MTUS2: variants seen among roughly 807,000 people sequenced by gnomAD.
MTUS2 encodes the protein microtubule-associated tumor suppressor candidate 2.
Under a neutral mutation model 114.1 loss-of-function variants are expected in MTUS2, and 40 were observed. The observed-to-expected ratio is 0.35, with a 90% CI of 0.27 to 0.46. The LOEUF is 0.46. Among genes scored for constraint, MTUS2 ranks in the 20% least tolerant of loss-of-function variants. MTUS2 has a pLI of 1.00. For missense variants in MTUS2, 1,679 were observed against 1,705.4 expected (o/e 0.98, Z 0.27); for synonymous variants, 688 against 672.0 (o/e 1.02, Z -0.37).
At chr13:29,134,221 TGTC>T (rs1891880158) in intron 5 of MTUS2, among the ~76,000 whole-genome samples, 1 of 152,226 alleles carries the variant, frequency 6.6e-6, no homozygotes, top group Non-Finnish European at 1.5e-5. Context: ...TGATTTCTAA[TGTC>T]GTCTGGTTGT....
chr13:29,155,134 G>T (rs1294463601), intron 5 of MTUS2, among the ~76,000 whole-genome samples: 1 of 152,148 alleles, frequency 6.6e-6, no homozygotes, highest in Non-Finnish European at 1.5e-5. Context: ...GTTGATAAAG[G>T]TAAAATATAG....
chr13:29,130,798 G>A (rs948068769), intron 5 of MTUS2, among the ~76,000 whole-genome samples: 2 of 151,912 alleles, frequency 1.3e-5, no homozygotes, highest in African/African-American at 4.8e-5. Flanking sequence ...GCTAATTTTT[G>A]TATTTTTAGT....
chr13:29,072,605 A>G (rs570285077), intron 4 of MTUS2, among the ~76,000 whole-genome samples: 3 of 152,188 alleles, frequency 2.0e-5, no homozygotes, highest in Non-Finnish European at 4.4e-5. Context: ...TTTTACTTCC[A>G]TTTTGAAATG....
chr13:29,331,963 G>A (rs1900799302), intron 7 of MTUS2, among the ~76,000 whole-genome samples: 1 of 152,170 alleles, frequency 6.6e-6, no homozygotes. Flanking sequence ...CAGTTTGCCA[G>A]TATTTTATTG....
chr13:29,108,992 C>T (rs897109562), intron 5 of MTUS2, among the ~76,000 whole-genome samples: 1 of 152,172 alleles, frequency 6.6e-6, no homozygotes, highest in Non-Finnish European at 1.5e-5. Flanking sequence ...GATGATGGAA[C>T]CATGAAGATT....
At chr13:29,307,622 T>C in intron 6 of MTUS2, 1 of 1,169,668 alleles carries the variant, frequency 8.5e-7, no homozygotes, top group South Asian at 1.2e-5. Context: ...TACCAGCTTG[T>C]CTCCTCTGAC....
chr13:28,878,291 G>T (rs977654804), intron 2 of MTUS2, among the ~76,000 whole-genome samples: 1 of 151,460 alleles, frequency 6.6e-6, no homozygotes, highest in Non-Finnish European at 1.5e-5. Flanking sequence ...GTGTATGTGT[G>T]TACACACACA....
At chr13:29,138,478 T>C (rs181934274) in intron 5 of MTUS2, among the ~76,000 whole-genome samples, 7 of 148,174 alleles carry the variant, frequency 4.7e-5, no homozygotes, top group Admixed American at 4.7e-4. Context: ...ATATAAATTA[T>C]ATTTATATAT....
rs188817947 is a variant in MTUS2, at chr13:29,423,268, G to T, written c.3118-16715G>T. On this transcript the variant is annotated intron_variant, in intron 8 of 15. Coordinates refer to ENST00000612955, the MANE Select transcript of MTUS2 (RefSeq NM_001033602.4). The stretch of plus-strand genomic sequence containing the variant: ...CAAAGGACATTTTGTCTATGGGAAG[G>T]CTCACTTCCTTCAAAAGAAATCTCG... 2.6e-5 allele frequency among the ~76,000 whole-genome samples: 4 copies of T among 152,296 alleles called. No individual in the cohort carries two copies. The East Asian group carries it at 5.8e-4, about 22-fold the overall frequency.
At chr13:29,449,341 A>G (rs990626676) in intron 9 of MTUS2, among the ~76,000 whole-genome samples, 1 of 152,228 alleles carries the variant, frequency 6.6e-6, no homozygotes, top group African/African-American at 2.4e-5. Flanking sequence ...TAGCCCACAC[A>G]TACACACACA....
At chr13:29,223,893 A>G (rs1896004352) in intron 5 of MTUS2, among the ~76,000 whole-genome samples, 1 of 152,206 alleles carries the variant, frequency 6.6e-6, no homozygotes, top group Non-Finnish European at 1.5e-5. Context: ...TGTGCCAGCC[A>G]TGAAAGCTGC....
chr13:29,325,276 C>T (rs907835969), intron 7 of MTUS2, among the ~76,000 whole-genome samples: 10 of 152,026 alleles, frequency 6.6e-5, no homozygotes, highest in African/African-American at 1.2e-4. Context: ...GCCAATATAG[C>T]GAAACCCTGT....
chr13:29,164,951 T>G (rs1893254288), intron 5 of MTUS2, among the ~76,000 whole-genome samples: 1 of 152,208 alleles, frequency 6.6e-6, no homozygotes, highest in Admixed American at 6.5e-5. Flanking sequence ...TGAAATATTT[T>G]AAAAATTTCT....
chr13:28,834,925 A>G (rs144549221), intron 1 of MTUS2, among the ~76,000 whole-genome samples: 4 of 152,346 alleles, frequency 2.6e-5, no homozygotes, highest in African/African-American at 9.6e-5. Flanking sequence ...CAGTAAGCAT[A>G]TGGAAAGGCA....
At chr13:29,193,202 CTATA>C (rs1481759593) in intron 5 of MTUS2, among the ~76,000 whole-genome samples, 1 of 152,084 alleles carries the variant, frequency 6.6e-6, no homozygotes, top group African/African-American at 2.4e-5. Flanking sequence ...CACTTTCTGA[CTATA>C]CTTCTTGTTT....
chr13:29,425,756 C>G (rs565830636), intron 8 of MTUS2, among the ~76,000 whole-genome samples: 1 of 152,304 alleles, frequency 6.6e-6, no homozygotes, highest in South Asian at 2.1e-4. Context: ...GATCATAGTA[C>G]ATGTGCGATT....
chr13:29,282,045 G>A lies in MTUS2; in HGVS notation c.2806+180G>A, dbSNP rs569022207. 2.6e-5 allele frequency among the ~76,000 whole-genome samples: 4 copies of A among 152,288 alleles called. No homozygotes were observed. In the South Asian group the frequency reaches 6.2e-4, roughly 24 times the overall value. ...TTCATATATTCATGTTTAAATTCTC[G>A]TAACTGCCTCTCACTCTTCCCATGA... On this transcript the variant is annotated intron_variant, in intron 6 of 15. Coordinates refer to ENST00000612955, the MANE Select transcript of MTUS2 (RefSeq NM_001033602.4).
At chr13:28,894,285 G>GA (rs1566203516) in intron 2 of MTUS2, among the ~76,000 whole-genome samples, 2 of 33,078 alleles carry the variant, frequency 6.0e-5, no homozygotes, top group Non-Finnish European at 1.1e-4. Context: ...TTGGTGGGGG[G>GA]GGGGGAGAGA....
At chr13:28,960,715 G>C (rs1354417189) in intron 2 of MTUS2, among the ~76,000 whole-genome samples, 1 of 152,140 alleles carries the variant, frequency 6.6e-6, no homozygotes, top group South Asian at 2.1e-4. Context: ...GGGAGATGAG[G>C]AGTGACTGGT....
Sources: allele counts gnomAD v4.1 joint callset (sites outside exome capture counted in the v4.1 genomes callset), GRCh38; gene constraint gnomAD v4.1.1; transcripts MANE v1.5; gene names NCBI Gene and HGNC (gene_info 2026-07-23, HGNC 2026-07-21).